The following EDA variants were observed in gnomAD, a reference collection of about 807,000 sequenced individuals.
The protein encoded by EDA is ectodysplasin-A.
In EDA, 2 loss-of-function variants were observed where a neutral mutation model predicts 23.6. The ratio of observed to expected loss-of-function variants is 0.08; its 90% CI spans 0.03 to 0.27. The LOEUF is 0.27. EDA is among the 10% of genes least tolerant of loss of function. EDA has a pLI of 1.00. For synonymous variants in EDA, 131 were observed against 132.0 expected (o/e 0.99, Z 0.05); for missense variants, 229 against 324.2 (o/e 0.71, Z 2.26).
chrX:69,758,370 T>C (rs1053744735), intron 1 of EDA, among the ~76,000 whole-genome samples: 2 of 112,171 alleles, frequency 1.8e-5, no homozygotes, highest in Admixed American at 9.4e-5. Flanking sequence ...GATGATCTGG[T>C]AGAAAGAAGA....
chrX:70,017,769 CA>C (rs1478401045), intron 2 of EDA, among the ~76,000 whole-genome samples: 2 of 111,818 alleles, frequency 1.8e-5, no homozygotes, highest in Non-Finnish European at 3.8e-5. Context: ...AAGCTGGAAG[CA>C]TTCTTATTGA....
intron 1 of EDA, among the ~76,000 whole-genome samples, chrX:69,666,426 G>C (rs1397210700): frequency 1.8e-5 from 2 of 112,673 alleles, no homozygotes; most frequent in African/African-American, 6.4e-5. Context: ...AAGGTTAGCT[G>C]TGGGTTTTTC....
intron 1 of EDA, among the ~76,000 whole-genome samples, chrX:69,849,930 C>T (rs2017091254): frequency 9.0e-6 from 1 of 111,527 alleles, no homozygotes; most frequent in African/African-American, 3.3e-5. Flanking sequence ...TATACAAAGG[C>T]AGATGTATTG....
chrX:70,035,496 A>G lies in EDA; in HGVS notation c.1063A>G (p.Lys355Glu), dbSNP rs1183857677. ...CTATACCGCAGGCGTCTGCCTCCTCAAGGCCCGGCAGAAGATCGCCGTCAA... is the reference window on the plus strand; with the variant it reads ...CTATACCGCAGGCGTCTGCCTCCTCGAGGCCCGGCAGAAGATCGCCGTCAA... ...TCYTAGVCLL[K>E]ARQKIAVKMV... Residue 355 changes from lysine (K) to glutamate (E), a missense_variant, in exon 8 of 8, where the codon AAG becomes GAG. Coordinates refer to ENST00000374552, the MANE Select transcript of EDA (RefSeq NM_001399.5). 8.3e-7 allele frequency: 1 copy of G among 1,209,829 alleles called. No individual in the cohort carries two copies. The highest frequency in any genetic ancestry group is 2.2e-5 in the Admixed American group (1 of 45,718).
chrX:69,625,912 T>C (rs902008939), intron 1 of EDA, among the ~76,000 whole-genome samples: 13 of 109,374 alleles, frequency 1.2e-4, no homozygotes, highest in Admixed American at 3.9e-4. Context: ...GGAAAACATA[T>C]ATCTGGTAAA....
At chrX:69,793,403 A>G (rs12689587) in intron 1 of EDA, among the ~76,000 whole-genome samples, 3,890 of 107,977 alleles carry the variant, frequency 0.036, 115 homozygotes, top group East Asian at 0.22. Context: ...ATCTCCCATA[A>G]CACACCAGTC....
intron 1 of EDA, among the ~76,000 whole-genome samples, chrX:69,748,105 G>A (rs191971112): frequency 9.0e-6 from 1 of 111,720 alleles, no homozygotes; most frequent in South Asian, 3.8e-4. Context: ...CACTCTTGTG[G>A]TAGGGGAAGC....
At chrX:69,623,057 C>G (rs1487353452) in intron 1 of EDA, among the ~76,000 whole-genome samples, 2 of 112,004 alleles carry the variant, frequency 1.8e-5, no homozygotes, top group Non-Finnish European at 3.8e-5. Flanking sequence ...GTCTCTTTGT[C>G]ATTACATCAC....
chrX:70,016,959 C>G (rs2019958469), intron 2 of EDA, among the ~76,000 whole-genome samples: 2 of 109,562 alleles, frequency 1.8e-5, no homozygotes, highest in African/African-American at 6.7e-5. Context: ...AGACCACTAG[C>G]TAGAGTAATA....
intron 1 of EDA, among the ~76,000 whole-genome samples, chrX:69,842,546 C>T (rs181841198): frequency 8.9e-6 from 1 of 111,879 alleles, no homozygotes; most frequent in African/African-American, 3.2e-5. Flanking sequence ...CAGACTAAAT[C>T]CATTTTGTTT....
At chrX:69,954,552 C>A (rs2018972766) in intron 1 of EDA, among the ~76,000 whole-genome samples, 1 of 111,994 alleles carries the variant, frequency 8.9e-6, no homozygotes, top group Admixed American at 9.5e-5. Flanking sequence ...ATTCAGTAAG[C>A]CCTGAATTAA....
chrX:69,658,945 C>T (rs1477228336), intron 1 of EDA, among the ~76,000 whole-genome samples: 1 of 111,458 alleles, frequency 9.0e-6, no homozygotes, highest in East Asian at 2.8e-4. Context: ...TTTAAGTCTT[C>T]GACTACAAAG....
intron 2 of EDA, among the ~76,000 whole-genome samples, chrX:69,992,182 A>G (rs1257849542): frequency 8.9e-6 from 1 of 111,825 alleles, no homozygotes; most frequent in Admixed American, 9.5e-5. Flanking sequence ...TGAGAGACAG[A>G]GGGAAAACCC....
Position 69,800,570 on chromosome X carries a change from A to G in EDA, c.397-156457A>G, listed in dbSNP as rs1333971873. Among the ~76,000 whole-genome samples the G allele has an allele frequency of 2.7e-5, 3 of 111,322 alleles. No homozygotes were observed. The East Asian group carries it at 8.5e-4, about 31-fold the overall frequency. ...CCTCATTAGCCTAGGCATGGAACAA[A>G]CTTCAGTGTTCTAAGAGGGGCTGGA... is the stretch of plus-strand genomic sequence containing the variant. On this transcript the variant is annotated intron_variant, in intron 1 of 7. Coordinates refer to ENST00000374552, the MANE Select transcript of EDA (RefSeq NM_001399.5).
At chrX:69,913,098 A>C (rs753635632) in intron 1 of EDA, among the ~76,000 whole-genome samples, 1 of 111,912 alleles carries the variant, frequency 8.9e-6, no homozygotes, top group South Asian at 3.7e-4. Context: ...AGGGCCTGTG[A>C]TTTTTGGAAA....
At chrX:69,675,894 G>A (rs938892585) in intron 1 of EDA, among the ~76,000 whole-genome samples, 1 of 111,509 alleles carries the variant, frequency 9.0e-6, no homozygotes, top group Non-Finnish European at 1.9e-5. Context: ...TAACTGAGAA[G>A]GTGATATTTG....
intron 1 of EDA, among the ~76,000 whole-genome samples, chrX:69,942,785 C>G (rs983881289): frequency 1.8e-5 from 2 of 111,135 alleles, no homozygotes; most frequent in Non-Finnish European, 3.8e-5. Flanking sequence ...AAGTTTCTGC[C>G]CTGATCTCTC....
In EDA at chrX:70,035,868, AC is replaced by A; in HGVS notation, c.*260del. ...ACCTTCTTTGGTTCCATGTTGACTG[AC>A]TTATGGCATGACTCTTCAACCCCGA... On this transcript the variant is annotated 3_prime_UTR_variant, in exon 8 of 8. Transcript: ENST00000374552. The A allele has an allele frequency of 2.4e-6, 1 of 411,196 alleles. No individual in the cohort carries two copies. Among genetic ancestry groups the A allele is most frequent in the Non-Finnish European group, 4.2e-6 (1 of 237,646 alleles). 33.9% of individuals were successfully genotyped at this position (411,196 alleles called of 1,213,427 possible). A position where few individuals can be genotyped will look rare whatever the true frequency, so the allele number is the denominator to read the frequency against.
intron 1 of EDA, among the ~76,000 whole-genome samples, chrX:69,684,353 A>G (rs181712150): frequency 1.8e-5 from 2 of 110,833 alleles, no homozygotes; most frequent in African/African-American, 6.7e-5. Context: ...TATGACTTAA[A>G]TAAGTCTTGA....
Sources: allele counts gnomAD v4.1 joint callset (sites outside exome capture counted in the v4.1 genomes callset), GRCh38; gene constraint gnomAD v4.1.1; transcripts MANE v1.5; gene names NCBI Gene and HGNC (gene_info 2026-07-23, HGNC 2026-07-21).